Variants in CERS6 observed in about 807,000 individuals in gnomAD.
The protein encoded by CERS6 is LAG1 homolog, ceramide synthase 6.
CERS6 carries 26 observed loss-of-function variants against 56.8 expected under a neutral mutation model. That is an observed-to-expected ratio of 0.46 (90% CI 0.34 to 0.63). The LOEUF (loss-of-function observed/expected upper bound fraction) is 0.63. Ranked by LOEUF, CERS6 falls within the 30% of genes least tolerant of loss-of-function variation. The pLI, the probability that CERS6 is intolerant of heterozygous loss-of-function variation, is 0.01. For missense variants in CERS6, 415 were observed against 467.5 expected, an observed-to-expected ratio of 0.89 and a Z score of 1.04; for synonymous variants, 164 against 173.3, an observed-to-expected ratio of 0.95 and a Z score of 0.42.
intron 6 of CERS6, among the ~76,000 whole-genome samples, chr2:168,698,129 G>GTA (rs1241142384): frequency 6.6e-6 from 1 of 151,426 alleles, no homozygotes; most frequent in African/African-American, 2.4e-5. Context: ...AACCCTGTCT[G>GTA]TATAAAATAT....
intron 8 of CERS6, among the ~76,000 whole-genome samples, chr2:168,754,306 T>G (rs1006987411): frequency 6.6e-6 from 1 of 152,132 alleles, no homozygotes; most frequent in African/African-American, 2.4e-5. Flanking sequence ...TCTTTGAGGG[T>G]CAAAGGACAT....
chr2:168,669,016 C>T (rs1685840873), intron 4 of CERS6, among the ~76,000 whole-genome samples: 1 of 152,138 alleles, frequency 6.6e-6, no homozygotes, highest in Non-Finnish European at 1.5e-5. Flanking sequence ...CGCTGTTCCT[C>T]TCTAGTACAT....
At chr2:168,461,173 G>C (rs960476606) in intron 1 of CERS6, among the ~76,000 whole-genome samples, 2 of 152,164 alleles carry the variant, frequency 1.3e-5, no homozygotes, top group Non-Finnish European at 2.9e-5. Context: ...TTAAAAGACT[G>C]TTTGGGAACA....
At chr2:168,712,512 A>G (rs191474239) in intron 6 of CERS6, among the ~76,000 whole-genome samples, 2 of 152,356 alleles carry the variant, frequency 1.3e-5, no homozygotes, top group Admixed American at 1.3e-4. Flanking sequence ...AAATAATTTT[A>G]TTCTTGACCC....
rs564389331 is a variant in CERS6, at chr2:168,489,029, C to T, written c.170+32411C>T. Among the ~76,000 whole-genome samples the T allele has an allele frequency of 2.0e-5, 3 of 152,122 alleles. No homozygotes were observed. The South Asian group carries it at 6.2e-4, about 32-fold the overall frequency. On this transcript the variant is annotated intron_variant, in intron 1 of 9. Coordinates refer to ENST00000305747, the MANE Select transcript of CERS6 (RefSeq NM_203463.3). Reference sequence around the variant, plus strand: ...TTTTTGTGAAGATTCCAATTTCTTTCTGAGGTTATTTCCCTTAAGCCTGAA... The same window carrying T: ...TTTTTGTGAAGATTCCAATTTCTTTTTGAGGTTATTTCCCTTAAGCCTGAA...
chr2:168,490,423 A>T (rs1227263122), intron 1 of CERS6, among the ~76,000 whole-genome samples: 1 of 152,168 alleles, frequency 6.6e-6, no homozygotes. Flanking sequence ...GCTCCAGGAC[A>T]TAGCTGCCAG....
chr2:168,494,069 G>A (rs1694421046), intron 1 of CERS6, among the ~76,000 whole-genome samples: 2 of 152,126 alleles, frequency 1.3e-5, no homozygotes, highest in Admixed American at 6.5e-5. Context: ...GTTGTAGGAG[G>A]AATCGTCGAG....
chr2:168,705,055 C>A (rs759860653), intron 6 of CERS6, among the ~76,000 whole-genome samples: 3 of 152,200 alleles, frequency 2.0e-5, no homozygotes, highest in African/African-American at 7.2e-5. Context: ...TGAGAAGCAA[C>A]CTGCTATGGT....
At chr2:168,540,029 A>G (rs1695338237) in intron 1 of CERS6, among the ~76,000 whole-genome samples, 1 of 152,208 alleles carries the variant, frequency 6.6e-6, no homozygotes, top group African/African-American at 2.4e-5. Context: ...TTGCCTTTCA[A>G]CCTAAAGAAG....
intron 8 of CERS6, among the ~76,000 whole-genome samples, chr2:168,746,050 C>G (rs79404170): frequency 0.013 from 2,043 of 152,240 alleles, 58 homozygotes; most frequent in African/African-American, 0.047. Context: ...TCCCCAGATT[C>G]ACGTTGCCAG....
intron 3 of CERS6, among the ~76,000 whole-genome samples, chr2:168,594,574 G>A (rs1427569087): frequency 6.6e-6 from 1 of 152,090 alleles, no homozygotes; most frequent in Non-Finnish European, 1.5e-5. Flanking sequence ...GACAGAGTGA[G>A]ACCCTGTCTC....
At chr2:168,710,538 G>A (rs1687063981) in intron 6 of CERS6, among the ~76,000 whole-genome samples, 1 of 152,206 alleles carries the variant, frequency 6.6e-6, no homozygotes, top group Non-Finnish European at 1.5e-5. Flanking sequence ...TGAAAGGTAA[G>A]CTCTACGTTA....
At chr2:168,763,418 A>T (rs1251729873) in intron 8 of CERS6, among the ~76,000 whole-genome samples, 1 of 149,548 alleles carries the variant, frequency 6.7e-6, no homozygotes, top group Non-Finnish European at 1.5e-5. Context: ...CTGATTTTTT[A>T]TTTTTTATTT....
chr2:168,695,186 A>G (rs1219672971), intron 6 of CERS6, 135 bp downstream of exon 6: 21 of 642,112 alleles, frequency 3.3e-5, no homozygotes, highest in Admixed American at 6.3e-5. Context: ...CTGCGTTATT[A>G]CAGAAAGTTC....
rs554334843 is a variant in CERS6, at chr2:168,656,347, G to A, written c.465+25305G>A. On this transcript the variant is annotated intron_variant, in intron 4 of 9. Coordinates refer to ENST00000305747, the MANE Select transcript of CERS6 (RefSeq NM_203463.3). Reference sequence around the variant, plus strand: ...GATGTGGTATGTGATATTGTGTCCGGAATTGGTGGGTTCTTGGTCTCACTG... The same window carrying A: ...GATGTGGTATGTGATATTGTGTCCGAAATTGGTGGGTTCTTGGTCTCACTG... Among the ~76,000 whole-genome samples the A allele has an allele frequency of 3.3e-5, 5 of 152,332 alleles. 1 individual carries two copies. In the South Asian group the frequency reaches 8.3e-4, roughly 25 times the overall value.
In CERS6 at chr2:168,610,535, A is replaced by G. The variant is rs1684162627; in HGVS notation, c.408-20450A>G. 2.0e-5 allele frequency among the ~76,000 whole-genome samples: 3 copies of G among 152,198 alleles called. No individual in the cohort carries two copies. In the South Asian group the frequency reaches 6.2e-4, roughly 32 times the overall value. Reference sequence around the variant, plus strand: ...TTGATTTCATTTTTATTTGGTAGATATTTTCCAAACGGAGAACTGAGCAAA... The same window carrying G: ...TTGATTTCATTTTTATTTGGTAGATGTTTTCCAAACGGAGAACTGAGCAAA... On this transcript the variant is annotated intron_variant, in intron 3 of 9. Coordinates refer to ENST00000305747, the MANE Select transcript of CERS6 (RefSeq NM_203463.3).
At chr2:168,629,196 C>T (rs1684656201) in intron 3 of CERS6, among the ~76,000 whole-genome samples, 1 of 152,166 alleles carries the variant, frequency 6.6e-6, no homozygotes, top group Non-Finnish European at 1.5e-5. Flanking sequence ...AATGTAGATA[C>T]ATAAATGATG....
At chr2:168,596,006 T>C (rs1683787787) in intron 3 of CERS6, among the ~76,000 whole-genome samples, 2 of 149,376 alleles carry the variant, frequency 1.3e-5, no homozygotes, top group African/African-American at 4.9e-5. Flanking sequence ...TCCAGCACTT[T>C]GGGAGGCCAA....
Position 168,771,206 on chromosome 2 carries a change from G to T in CERS6, c.*1544G>T, listed in dbSNP as rs745594881. On this transcript the variant is annotated 3_prime_UTR_variant, in exon 10 of 10. Coordinates refer to ENST00000305747, the MANE Select transcript of CERS6 (RefSeq NM_203463.3). ...AGCGTGCAGAAACACCAGAGAGTGC[G>T]TATCCTGCTCAGAACCATTCACATT... 2.0e-5 allele frequency: 3 copies of T among 152,104 alleles called. No individual in the cohort carries two copies. Among genetic ancestry groups the T allele is most frequent in the South Asian group, 4.1e-4 (2 of 4,828 alleles). 9.4% of individuals were successfully genotyped at this position (152,104 alleles called of 1,614,324 possible).
Sources: gnomAD v4.1 joint callset for allele counts (sites outside exome capture counted in the v4.1 genomes callset) on GRCh38, gnomAD v4.1.1 for gene constraint, MANE v1.5 for transcripts, NCBI Gene and HGNC (gene_info 2026-07-23, HGNC 2026-07-21) for gene names.